DPYD: variants seen among roughly 807,000 people sequenced by gnomAD.
The protein encoded by DPYD is dihydropyrimidine dehydrogenase.
Under a neutral mutation model 116.2 loss-of-function variants are expected in DPYD, and 109 were observed. That is an observed-to-expected ratio of 0.94 (90% confidence interval 0.80 to 1.10). The LOEUF (loss-of-function observed/expected upper bound fraction) is 1.10, where lower values mean the gene tolerates loss of function less well. Ranked by LOEUF, DPYD falls within the 50% of genes least tolerant of loss-of-function variation. DPYD has a pLI of 0.00. For synonymous variants in DPYD, 440 were observed against 432.0 expected (o/e 1.02, Z -0.23); for missense variants, 1,302 against 1,254.5 (o/e 1.04, Z -0.57).
intron 8 of DPYD, among the ~76,000 whole-genome samples, chr1:97,671,398 AG>A (rs1659852392): frequency 6.6e-6 from 1 of 152,208 alleles, no homozygotes. Flanking sequence ...TATTCAGCAC[AG>A]TAATGTAATA....
chr1:97,191,751 A>G (rs563323276), intron 20 of DPYD, among the ~76,000 whole-genome samples: 101 of 152,290 alleles, frequency 6.6e-4, no homozygotes, highest in African/African-American at 2.4e-3. Context: ...CTATCATGTC[A>G]GAGACAATTT....
chr1:97,843,543 A>G (rs1571453822), intron 2 of DPYD, among the ~76,000 whole-genome samples: 1 of 152,204 alleles, frequency 6.6e-6, no homozygotes, highest in East Asian at 1.9e-4. Context: ...TTATTTTCCT[A>G]GACAAGTTAG....
At chr1:97,607,219 C>A (rs1488102165) in intron 8 of DPYD, among the ~76,000 whole-genome samples, 3 of 151,924 alleles carry the variant, frequency 2.0e-5, no homozygotes, top group African/African-American at 7.2e-5. Context: ...GCATTAACTT[C>A]ATAGGATTTG....
chr1:97,520,948 C>T (rs1648611288), intron 12 of DPYD, among the ~76,000 whole-genome samples: 1 of 152,032 alleles, frequency 6.6e-6, no homozygotes, highest in Non-Finnish European at 1.5e-5. Context: ...GTGTGCATAT[C>T]TCTTTATAGT....
intron 4 of DPYD, among the ~76,000 whole-genome samples, chr1:97,737,753 C>T (rs901717845): frequency 4.6e-5 from 7 of 151,350 alleles, no homozygotes; most frequent in African/African-American, 1.7e-4. Flanking sequence ...AATATATATC[C>T]CTCTCAACCA....
At chr1:97,256,099 C>T (rs754858746) in intron 18 of DPYD, among the ~76,000 whole-genome samples, 1 of 152,056 alleles carries the variant, frequency 6.6e-6, no homozygotes. Flanking sequence ...TATGTTCCTA[C>T]CAAAAGTTGA....
intron 5 of DPYD, among the ~76,000 whole-genome samples, chr1:97,705,365 G>T (rs947815431): frequency 3.3e-5 from 5 of 151,986 alleles, no homozygotes; most frequent in Non-Finnish European, 7.4e-5. Flanking sequence ...TCCCACCTAT[G>T]AGTGAGAACA....
At chr1:97,267,278 C>T (rs1664300662) in intron 18 of DPYD, among the ~76,000 whole-genome samples, 1 of 152,076 alleles carries the variant, frequency 6.6e-6, no homozygotes, top group Non-Finnish European at 1.5e-5. Context: ...CTCTGATGAC[C>T]AGTGATGATG....
intron 14 of DPYD, among the ~76,000 whole-genome samples, chr1:97,425,584 T>C (rs1439555826): frequency 6.6e-6 from 1 of 152,102 alleles, no homozygotes; most frequent in African/African-American, 2.4e-5. Flanking sequence ...AGGTCTTTTA[T>C]AGAAACAGAT....
rs559391691 is a variant in DPYD, at chr1:97,322,270, A to T, written c.2059-15973T>A. ...AATAAATAAATAAATAAAAGGAATT[A>T]GGAAGGGAAAAAAAAATTTCTTCCC... On this transcript the variant is annotated intron_variant, in intron 16 of 22. Coordinates refer to ENST00000370192, the MANE Select transcript of DPYD (RefSeq NM_000110.4). 1.2e-3 allele frequency among the ~76,000 whole-genome samples: 169 copies of T among 137,434 alleles called. 1 individual carries two copies. The highest frequency in any genetic ancestry group is 3.8e-3 in the African/African-American group (154 of 40,768). The allele number at this position is 137,434 out of a possible 152,430, so 90.2% of individuals were successfully genotyped here.
At chr1:97,186,614 T>A (rs1658008255) in intron 20 of DPYD, among the ~76,000 whole-genome samples, 1 of 152,118 alleles carries the variant, frequency 6.6e-6, no homozygotes, top group Non-Finnish European at 1.5e-5. Flanking sequence ...TCTGGGAGGC[T>A]GAGGTGGGTG....
chr1:97,744,484 T>C (rs1459178920), intron 3 of DPYD, among the ~76,000 whole-genome samples: 1 of 152,050 alleles, frequency 6.6e-6, no homozygotes, highest in African/African-American at 2.4e-5. Flanking sequence ...CAAAGCTATC[T>C]GAAACCCTTA....
chr1:97,567,445 T>C (rs927688957), intron 11 of DPYD, among the ~76,000 whole-genome samples: 1 of 152,132 alleles, frequency 6.6e-6, no homozygotes, highest in Non-Finnish European at 1.5e-5. Flanking sequence ...TTCCTTGTTA[T>C]CTCTAGTTCC....
chr1:97,285,580 C>T (rs896061658), intron 18 of DPYD, among the ~76,000 whole-genome samples: 1 of 152,004 alleles, frequency 6.6e-6, no homozygotes, highest in Admixed American at 6.6e-5. Flanking sequence ...TCCCATCACT[C>T]AAAGTTTAAA....
intron 14 of DPYD, among the ~76,000 whole-genome samples, chr1:97,438,002 C>A (rs1171598520): frequency 6.6e-6 from 1 of 151,968 alleles, no homozygotes; most frequent in African/African-American, 2.4e-5. Context: ...CACTGAATTG[C>A]CTTTTTGCAT....
At chr1:97,880,656 C>G (rs1020536722) in intron 2 of DPYD, among the ~76,000 whole-genome samples, 3 of 151,810 alleles carry the variant, frequency 2.0e-5, no homozygotes, top group African/African-American at 7.3e-5. Flanking sequence ...TTTTATTTTT[C>G]TACTAATACT....
intron 8 of DPYD, among the ~76,000 whole-genome samples, chr1:97,648,715 G>A (rs921383743): frequency 4.0e-5 from 6 of 151,838 alleles, no homozygotes; most frequent in East Asian, 3.9e-4. Flanking sequence ...AAGCATTTTC[G>A]CTGTGTGAAA....
At chr1:97,385,069 A>G (rs1470825026) in intron 14 of DPYD, among the ~76,000 whole-genome samples, 1 of 152,012 alleles carries the variant, frequency 6.6e-6, no homozygotes, top group African/African-American at 2.4e-5. Flanking sequence ...GTGAGAAGTC[A>G]TACTCCAAGC....
Position 97,679,054 on chromosome 1 carries a change from A to G in DPYD, c.850+41T>C, listed in dbSNP as rs112550271. Reference sequence around the variant, plus strand: ...TCTGGATATTGCTAGGAAATAAAAAAATACATTATAAATAAATATATTTAA... The same window carrying G: ...TCTGGATATTGCTAGGAAATAAAAAGATACATTATAAATAAATATATTTAA... On this transcript the variant is annotated intron_variant, in intron 8 of 22. Transcript: ENST00000370192. The G allele has an allele frequency of 3.6e-3, 3,578 of 997,858 alleles. 85 individuals are homozygous for G. The African/African-American group carries it at 0.052, about 14-fold the overall frequency. 61.8% of individuals were successfully genotyped at this position (997,858 alleles called of 1,614,324 possible).
Sources: gnomAD v4.1 joint callset for allele counts (sites outside exome capture counted in the v4.1 genomes callset) on GRCh38, gnomAD v4.1.1 for gene constraint, MANE v1.5 for transcripts, NCBI Gene and HGNC (gene_info 2026-07-23, HGNC 2026-07-21) for gene names.